DAAM1: variants seen among roughly 807,000 people sequenced by gnomAD.
DAAM1 encodes disheveled-associated activator of morphogenesis 1.
DAAM1 carries 52 observed loss-of-function variants against 130.0 expected under a neutral mutation model. The observed-to-expected ratio is 0.40, with a 90% CI of 0.32 to 0.50. The LOEUF (loss-of-function observed/expected upper bound fraction) is 0.50. Ranked by LOEUF, DAAM1 falls within the 20% of genes least tolerant of loss-of-function variation. The pLI, the probability that DAAM1 is intolerant of heterozygous loss-of-function variation, is 0.61. For synonymous variants in DAAM1, 452 were observed against 444.5 expected (o/e 1.02, Z -0.21); for missense variants, 1,134 against 1,303.8 (o/e 0.87, Z 2.01).
In DAAM1 at chr14:59,360,870, T is replaced by C. The variant is rs181920728; in HGVS notation, c.2694+8T>C. 3.1e-3 allele frequency: 4,984 copies of C among 1,610,594 alleles called. 14 individuals are homozygous for C. The highest frequency in any genetic ancestry group is 4.0e-3 in the Middle Eastern group (24 of 6,056). ...TTGAAAGCAGTAGAGACAGTGAGTA[T>C]TTTTTTGTTGTTGTTCTAATTCCTG... On this transcript the variant is annotated splice_region_variant and intron_variant, in intron 22 of 24. Coordinates refer to ENST00000360909, the MANE Select transcript of DAAM1 (RefSeq NM_001270520.2).
chr14:59,230,123 T>C (rs745403379), intron 1 of DAAM1, among the ~76,000 whole-genome samples: 1 of 152,174 alleles, frequency 6.6e-6, no homozygotes, highest in Non-Finnish European at 1.5e-5. Flanking sequence ...CATTTCTCTT[T>C]GTGAAACAGC....
intron 4 of DAAM1, among the ~76,000 whole-genome samples, chr14:59,318,266 C>T (rs969260955): frequency 4.6e-5 from 7 of 151,672 alleles, no homozygotes; most frequent in African/African-American, 7.3e-5. Flanking sequence ...ACCAAAGAAA[C>T]GATTCAAACG....
rs561071812 is a variant in DAAM1, at chr14:59,189,873, A to G, written c.-38+1105A>G. Among the ~76,000 whole-genome samples, 223 of 151,642 alleles carry G rather than the reference A, an allele frequency of 1.5e-3. 1 individual carries two copies. Among genetic ancestry groups the G allele is most frequent in the African/African-American group, 5.0e-3 (205 of 41,002 alleles). ...GGAGCTACCTCTCGCCCCATAACAT[A>G]TTTAGTGATGCCTGAACTCCATTCC... On this transcript the variant is annotated intron_variant, in intron 1 of 24. Transcript: ENST00000360909.
chr14:59,323,451 T>C (rs1885095585), intron 6 of DAAM1, among the ~76,000 whole-genome samples: 1 of 152,166 alleles, frequency 6.6e-6, no homozygotes, highest in Non-Finnish European at 1.5e-5. Flanking sequence ...AACTTGAAAA[T>C]GTGGTCTTGC....
chr14:59,225,367 T>C (rs1354499866), intron 1 of DAAM1, among the ~76,000 whole-genome samples: 1 of 152,096 alleles, frequency 6.6e-6, no homozygotes, highest in Non-Finnish European at 1.5e-5. Flanking sequence ...CTAAGGTAAT[T>C]TGTTGTAGCA....
intron 17 of DAAM1, among the ~76,000 whole-genome samples, chr14:59,350,387 CA>C (rs1395382580): frequency 6.6e-6 from 1 of 152,010 alleles, no homozygotes; most frequent in Admixed American, 6.6e-5. Context: ...CATCTGCACA[CA>C]TATACCACAC....
chr14:59,349,224 G>C (rs548507672), intron 17 of DAAM1, among the ~76,000 whole-genome samples: 3 of 152,208 alleles, frequency 2.0e-5, no homozygotes, highest in Non-Finnish European at 4.4e-5. Context: ...AGCCACTTTA[G>C]TCCTCCTGCC....
intron 20 of DAAM1, among the ~76,000 whole-genome samples, chr14:59,356,985 C>G (rs749589281): frequency 6.6e-6 from 1 of 152,216 alleles, no homozygotes; most frequent in Non-Finnish European, 1.5e-5. Context: ...TCAGTTGAAT[C>G]TAATCAGATA....
chr14:59,251,886 T>C (rs1290884274), intron 1 of DAAM1, among the ~76,000 whole-genome samples: 2 of 152,198 alleles, frequency 1.3e-5, no homozygotes, highest in Non-Finnish European at 2.9e-5. Context: ...GGGTGGCTTC[T>C]CCTTGCTGCA....
At chr14:59,227,390 T>C (rs1350718102) in intron 1 of DAAM1, among the ~76,000 whole-genome samples, 2 of 152,240 alleles carry the variant, frequency 1.3e-5, no homozygotes, top group Non-Finnish European at 2.9e-5. Context: ...CTTCTTGTTA[T>C]CTTACGTAGT....
intron 1 of DAAM1, among the ~76,000 whole-genome samples, chr14:59,247,658 CTCTAAA>C (rs1409358159): frequency 1.3e-5 from 2 of 151,856 alleles, no homozygotes; most frequent in African/African-American, 4.8e-5. Context: ...AGCTAAACCA[CTCTAAA>C]CTTTCAGCGA....
At position 59,352,018 on chromosome 14, in the gene DAAM1, AT is replaced by A. The variant is rs1421576717; in HGVS notation, c.2161-507del. Among the ~76,000 whole-genome samples, 4 of 152,252 alleles carry A rather than the reference AT, an allele frequency of 2.6e-5. No homozygotes were observed. The East Asian group carries it at 7.7e-4, about 29-fold the overall frequency. ...AGGGGAAAAAAAAAGATTGAATTAG[AT>A]AAACCAGAAAAATAAGAAAATGGAA... On this transcript the variant is annotated intron_variant, in intron 17 of 24. Transcript: ENST00000360909.
intron 1 of DAAM1, among the ~76,000 whole-genome samples, chr14:59,249,392 G>T (rs901395264): frequency 6.6e-6 from 1 of 152,040 alleles, no homozygotes; most frequent in Non-Finnish European, 1.5e-5. Context: ...CAAAATAATG[G>T]CAATTTTATT....
chr14:59,279,042 C>T (rs1393111818), intron 2 of DAAM1, among the ~76,000 whole-genome samples: 1 of 152,086 alleles, frequency 6.6e-6, no homozygotes, highest in South Asian at 2.1e-4. Context: ...AACAAGCAGG[C>T]TTGATTTTTT....
At chr14:59,330,050 G>A (rs1468553085) in intron 12 of DAAM1, among the ~76,000 whole-genome samples, 1 of 152,224 alleles carries the variant, frequency 6.6e-6, no homozygotes, top group Non-Finnish European at 1.5e-5. Context: ...CGGCTGGTTG[G>A]ATGTGAGCTG....
intron 17 of DAAM1, among the ~76,000 whole-genome samples, chr14:59,349,993 T>C (rs1326416523): frequency 4.6e-5 from 7 of 152,068 alleles, no homozygotes; most frequent in Admixed American, 4.6e-4. Flanking sequence ...TGGGTAAAAA[T>C]CCAAGCTGAG....
At chr14:59,359,171 A>G (rs1038536370) in intron 20 of DAAM1, 20 of 361,210 alleles carry the variant, frequency 5.5e-5, no homozygotes, top group Non-Finnish European at 9.6e-5. Context: ...TTTTTGACAT[A>G]TATCTATGCA....
chr14:59,220,883 C>T (rs1004816018), intron 1 of DAAM1, among the ~76,000 whole-genome samples: 1 of 152,184 alleles, frequency 6.6e-6, no homozygotes, highest in African/African-American at 2.4e-5. Flanking sequence ...ATGATGCCCA[C>T]GCACATTGGT....
chr14:59,279,495 T>C (rs1212613974), intron 2 of DAAM1, among the ~76,000 whole-genome samples: 1 of 152,164 alleles, frequency 6.6e-6, no homozygotes, highest in Admixed American at 6.6e-5. Context: ...GCAGCCTATC[T>C]AAATGAATAT....
Sources: gnomAD v4.1 joint callset for allele counts (sites outside exome capture counted in the v4.1 genomes callset) on GRCh38, gnomAD v4.1.1 for gene constraint, MANE v1.5 for transcripts, NCBI Gene and HGNC (gene_info 2026-07-23, HGNC 2026-07-21) for gene names.